Variants in GRK3 observed in about 807,000 individuals in gnomAD.
GRK3 encodes the protein adrenergic, beta, receptor kinase 2.
Under a neutral mutation model 95.7 loss-of-function variants are expected in GRK3, and 54 were observed. That is an observed-to-expected ratio of 0.56 (90% CI 0.45 to 0.71). The LOEUF (loss-of-function observed/expected upper bound fraction) is 0.71, where lower values mean the gene tolerates loss of function less well. GRK3 is among the 30% of genes least tolerant of loss of function. The pLI is 0.00. For missense variants in GRK3, 649 were observed against 851.2 expected, an observed-to-expected ratio of 0.76 and a Z score of 2.96; for synonymous variants, 281 against 290.8, an observed-to-expected ratio of 0.97 and a Z score of 0.34.
In GRK3 at chr22:25,644,532, C is replaced by G. The variant is rs182657842; in HGVS notation, c.191-60C>G. 6.8e-5 allele frequency: 55 copies of G among 808,468 alleles called. No individual in the cohort carries two copies. In the East Asian group the frequency reaches 1.4e-3, roughly 21 times the overall value. The allele number at this position is 808,468 out of a possible 1,614,324, so 50.1% of individuals were successfully genotyped here. On this transcript the variant is annotated intron_variant, in intron 2 of 20. Transcript: ENST00000324198. ...ATAAACACATTGCTTTGAAAACACCCTTGTGGGATAAAATTTCAATTAATT... is the reference window on the plus strand; with the variant it reads ...ATAAACACATTGCTTTGAAAACACCGTTGTGGGATAAAATTTCAATTAATT...
chr22:25,620,942 A>G (rs1601480490), intron 2 of GRK3, among the ~76,000 whole-genome samples: 1 of 152,198 alleles, frequency 6.6e-6, no homozygotes, highest in South Asian at 2.1e-4. Flanking sequence ...TTAAAGAGGG[A>G]TTGTAGCCAC....
At chr22:25,681,895 C>T (rs977721026) in intron 9 of GRK3, among the ~76,000 whole-genome samples, 2 of 152,060 alleles carry the variant, frequency 1.3e-5, no homozygotes, top group Non-Finnish European at 2.9e-5. Flanking sequence ...CCATAATTAT[C>T]CTTGGAACTG....
At position 25,712,501 on chromosome 22, in the gene GRK3, A is replaced by G. The variant is rs576508300; in HGVS notation, c.1491+1338A>G. 5.1e-4 allele frequency among the ~76,000 whole-genome samples: 77 copies of G among 152,370 alleles called. 1 individual carries two copies. The South Asian group carries it at 9.1e-3, about 18-fold the overall frequency. ...ACCACTATCTGTCCGTCAGAGTACT[A>G]AAAATAAAACACTATTACGTGGGTG... On this transcript the variant is annotated intron_variant, in intron 17 of 20. Transcript: ENST00000324198.
intron 13 of GRK3, among the ~76,000 whole-genome samples, chr22:25,699,761 C>G (rs1184232873): frequency 6.8e-6 from 1 of 147,390 alleles, no homozygotes; most frequent in Non-Finnish European, 1.5e-5. Context: ...TGCAGTGGTG[C>G]AATCTCGGCT....
At chr22:25,706,912 TC>T (rs1477377617) in intron 15 of GRK3, among the ~76,000 whole-genome samples, 4 of 151,644 alleles carry the variant, frequency 2.6e-5, no homozygotes, top group Non-Finnish European at 5.9e-5. Context: ...AGCTCCAAAC[TC>T]CCGGCCCAAG....
chr22:25,684,661 G>A (rs1157543245), intron 9 of GRK3: 1 of 152,250 alleles, frequency 6.6e-6, no homozygotes, highest in Non-Finnish European at 1.5e-5. Flanking sequence ...GCAAGATGGT[G>A]ATATGTTTCT....
chr22:25,718,480 ACT>A (rs2085404737), intron 19 of GRK3, 99 bp downstream of exon 19: 2 of 1,310,758 alleles, frequency 1.5e-6, no homozygotes, highest in South Asian at 1.4e-5. Flanking sequence ...ATCCTCCGAA[ACT>A]CTGTGATTCT....
intron 2 of GRK3, among the ~76,000 whole-genome samples, chr22:25,614,755 A>G (rs1810457): frequency 0.023 from 3,446 of 152,334 alleles, 63 homozygotes; most frequent in Middle Eastern, 0.068. Context: ...CCTATATAAT[A>G]ATACTAAAAT....
At chr22:25,617,739 C>G (rs1175907759) in intron 2 of GRK3, among the ~76,000 whole-genome samples, 2 of 152,262 alleles carry the variant, frequency 1.3e-5, no homozygotes, top group Admixed American at 6.5e-5. Context: ...GCATAATATT[C>G]TTGAGATTCT....
At chr22:25,609,467 G>T (rs961930089) in intron 2 of GRK3, among the ~76,000 whole-genome samples, 1 of 151,996 alleles carries the variant, frequency 6.6e-6, no homozygotes, top group African/African-American at 2.4e-5. Context: ...AAGTAGCTGG[G>T]ATTACAGTCA....
chr22:25,650,327 A>AT (rs2084821109), intron 3 of GRK3, among the ~76,000 whole-genome samples: 1 of 152,294 alleles, frequency 6.6e-6, no homozygotes, highest in Non-Finnish European at 1.5e-5. Context: ...ATGCCCGGCA[A>AT]TTTTTTAAGG....
At chr22:25,585,872 A>G (rs1282445394) in intron 1 of GRK3, among the ~76,000 whole-genome samples, 2 of 152,280 alleles carry the variant, frequency 1.3e-5, no homozygotes, top group Non-Finnish European at 2.9e-5. Context: ...CATTTCTGGT[A>G]GGGCATGACA....
rs111879650 is a variant in GRK3 at position 25,717,311 on chromosome 22, G to A, written c.1655-934G>A. On this transcript the variant is annotated intron_variant, in intron 18 of 20. Transcript: ENST00000324198. ...TGTGCTCGTATTTTAAACAGATTTC[G>A]GAAATGCAAGCACTTCTCAGTGAAA... 5.1e-3 allele frequency among the ~76,000 whole-genome samples: 769 copies of A among 152,102 alleles called. 6 individuals are homozygous for A. Among genetic ancestry groups the A allele is most frequent in the African/African-American group, 0.018 (745 of 41,492 alleles).
rs766371590 is a variant in GRK3 at position 25,674,389 on chromosome 22, A to G, written c.556-48A>G. On this transcript the variant is annotated intron_variant, in intron 7 of 20. Transcript: ENST00000324198. Reference sequence around the variant, plus strand: ...TGCATGAAAAAATCTTTAAAACACCATAGCTTTGTGTAATCTTATGTTTTC... The same window carrying G: ...TGCATGAAAAAATCTTTAAAACACCGTAGCTTTGTGTAATCTTATGTTTTC... The G allele has an allele frequency of 4.1e-6, 6 of 1,473,122 alleles. No individual in the cohort carries two copies. In the Admixed American group the frequency reaches 8.7e-5, roughly 21 times the overall value. The allele number at this position is 1,473,122 out of a possible 1,614,324, so 91.3% of individuals were successfully genotyped here.
chr22:25,690,689 T>A (rs917311568), intron 12 of GRK3, among the ~76,000 whole-genome samples: 13 of 152,198 alleles, frequency 8.5e-5, no homozygotes, highest in Non-Finnish European at 1.6e-4. Context: ...TGCGTGGATG[T>A]GGTCAAGGGA....
chr22:25,649,137 G>A, intron 3 of GRK3: 1 of 1,470,634 alleles, frequency 6.8e-7, no homozygotes, highest in South Asian at 1.1e-5. Flanking sequence ...TTGGAAGAAG[G>A]ACCCTGATGA....
chr22:25,602,587 A>T (rs1269424942), intron 1 of GRK3, among the ~76,000 whole-genome samples: 2 of 152,244 alleles, frequency 1.3e-5, no homozygotes, highest in Non-Finnish European at 2.9e-5. Context: ...TGGGTAAACA[A>T]ATTGTGGAAT....
chr22:25,638,801 C>T (rs1289282855), intron 2 of GRK3, among the ~76,000 whole-genome samples: 2 of 152,202 alleles, frequency 1.3e-5, no homozygotes, highest in Admixed American at 6.5e-5. Flanking sequence ...ATTGTCCGTC[C>T]TCCTCAGCAA....
intron 9 of GRK3, among the ~76,000 whole-genome samples, chr22:25,679,985 T>G (rs1226331525): frequency 1.3e-5 from 2 of 152,230 alleles, no homozygotes; most frequent in Non-Finnish European, 2.9e-5. Context: ...CTAGAGAGGT[T>G]AATTTCCTTC....
Sources: allele counts gnomAD v4.1 joint callset (sites outside exome capture counted in the v4.1 genomes callset), GRCh38; gene constraint gnomAD v4.1.1; transcripts MANE v1.5; gene names NCBI Gene and HGNC (gene_info 2026-07-23, HGNC 2026-07-21).